Variants in KIF22 observed in about 807,000 individuals in gnomAD.
KIF22 encodes kinesin-like protein KIF22.
A neutral mutation model predicts 73.0 loss-of-function variants in KIF22; 62 were observed. The ratio of observed to expected loss-of-function variants is 0.85; its 90% CI spans 0.69 to 1.05. The LOEUF (loss-of-function observed/expected upper bound fraction) is 1.05. Ranked by LOEUF, KIF22 falls within the 50% of genes least tolerant of loss-of-function variation. The pLI is 0.00. For missense variants in KIF22, 854 were observed against 870.1 expected, an observed-to-expected ratio of 0.98 and a Z score of 0.23; for synonymous variants, 411 against 340.1, an observed-to-expected ratio of 1.21 and a Z score of -2.29.
chr16:29,792,893 C>T (rs985788167), intron 1 of KIF22, among the ~76,000 whole-genome samples: 1 of 152,102 alleles, frequency 6.6e-6, no homozygotes, highest in Non-Finnish European at 1.5e-5. Flanking sequence ...AGACACCTTG[C>T]TACCACCAGC....
chr16:29,803,308 CCTGTCTCCTGGTAACCTCCCA>C (rs930300557), intron 9 of KIF22, 120 bp from the exon 10 acceptor site: 2 of 936,260 alleles, frequency 2.1e-6, no homozygotes, highest in African/African-American at 3.3e-5. Flanking sequence ...TTAGGCTCCA[CCTGTCTCCTGGTAACCTCCCA>C]CTGGTCCTAG....
At chr16:29,802,980 T>A (rs757548979) in intron 9 of KIF22, 43 bp downstream of exon 9, 2 of 1,582,692 alleles carry the variant, frequency 1.3e-6, no homozygotes, top group Non-Finnish European at 1.7e-6. Context: ...CTATTGGCCT[T>A]GAGAAGCAAT....
At position 29,804,671 on chromosome 16, in the gene KIF22, T is replaced by A; in HGVS notation, c.1678-143T>A. 1.2e-5 allele frequency: 9 copies of A among 720,578 alleles called. No individual in the cohort carries two copies. The South Asian group carries it at 1.3e-4, about 11-fold the overall frequency. 44.6% of individuals were successfully genotyped at this position (720,578 alleles called of 1,614,324 possible). ...ATAAGAATTAACCCAGAGAGTGACC[T>A]GAGGGCGGGATTTTGGACACACTTG... On this transcript the variant is annotated intron_variant, in intron 11 of 13. Transcript: ENST00000160827.
chr16:29,804,351 A>T, intron 11 of KIF22: 1 of 601,986 alleles, frequency 1.7e-6, no homozygotes, highest in South Asian at 2.0e-5. Context: ...GGGAACTATG[A>T]CCTAAGCAGT....
At position 29,797,869 on chromosome 16, in the gene KIF22, T is replaced by G. The variant is rs1414650765; in HGVS notation, c.267-505T>G. Among the ~76,000 whole-genome samples, 1 of 152,194 alleles carries G rather than the reference T, an allele frequency of 6.6e-6. No individual in the cohort carries two copies. The highest frequency in any genetic ancestry group is 1.5e-5 in the Non-Finnish European group (1 of 68,030). On this transcript the variant is annotated intron_variant, in intron 2 of 13. Coordinates refer to ENST00000160827, the MANE Select transcript of KIF22 (RefSeq NM_007317.3). This position sits in a 1 kb window ranked among gnomAD's most constrained non-coding sequence, Gnocchi z 4.1. ...GAACGCAGTGGATAGGTGATTGGTA[T>G]GTAGAGTCTAGTTCAGTCATAAGCA...
chr16:29,796,623 G>A (rs997264823), intron 1 of KIF22, among the ~76,000 whole-genome samples: 10 of 151,958 alleles, frequency 6.6e-5, no homozygotes, highest in Non-Finnish European at 1.5e-4. Context: ...CATCACCCCA[G>A]GGAGACGGAG....
Position 29,798,889 on chromosome 16 carries a change from A to T in KIF22, c.550-86A>T. 3 of 1,547,230 alleles carry T rather than the reference A, an allele frequency of 1.9e-6. No individual in the cohort carries two copies. In the South Asian group the frequency reaches 3.4e-5, roughly 17 times the overall value. ...TGGGGTAGCAGATGGTACAACTCCG[A>T]GAATAGAACAGAGAAAGGAAACTGA... On this transcript the variant is annotated intron_variant, in intron 4 of 13. Coordinates refer to ENST00000160827, the MANE Select transcript of KIF22 (RefSeq NM_007317.3). The surrounding 1 kb of genome is among the most constrained non-coding windows in gnomAD (Gnocchi z 4.1).
intron 1 of KIF22, among the ~76,000 whole-genome samples, chr16:29,795,431 C>T (rs578228809): frequency 9.2e-5 from 14 of 152,306 alleles, no homozygotes; most frequent in African/African-American, 3.1e-4. Flanking sequence ...GTGTTGGCTA[C>T]GTATACCAGC....
intron 13 of KIF22, 43 bp downstream of exon 13, chr16:29,805,217 C>T (rs1234040762): frequency 5.0e-6 from 8 of 1,613,922 alleles, no homozygotes; most frequent in South Asian, 3.3e-5. Flanking sequence ...TCCTGCGCCC[C>T]GCGCCCCTCT....
In KIF22 at chr16:29,804,068, G is replaced by C. The variant is rs368343647; in HGVS notation, c.1677+3G>C. 1.2e-5 allele frequency: 20 copies of C among 1,612,406 alleles called. No individual in the cohort carries two copies. In the African/African-American group the frequency reaches 1.5e-4, roughly 12 times the overall value. ...AGAATAAAGGCCGGAAGAGAAAGGT[G>C]AAAGTAGCTGGGGGCTTAGGCTACA... On this transcript the variant is annotated splice_donor_region_variant and intron_variant, in intron 11 of 13. Coordinates refer to ENST00000160827, the MANE Select transcript of KIF22 (RefSeq NM_007317.3).
intron 7 of KIF22, 23 bp from the exon 8 acceptor site, chr16:29,799,890 C>G: frequency 2.5e-6 from 4 of 1,613,378 alleles, no homozygotes; most frequent in Non-Finnish European, 3.4e-6. Flanking sequence ...TCCCTCTCTC[C>G]ACCCCATCCT....
rs1166484975 is a variant in KIF22 at position 29,805,381 on chromosome 16, C to T, written c.*71C>T. The stretch of plus-strand genomic sequence containing the variant: ...TGTTGTGTAAATACAGTTTTTGCTC[C>T]GGTGCTTCCGCCTGATTTTTGGGGC... On this transcript the variant is annotated 3_prime_UTR_variant, in exon 14 of 14. Coordinates refer to ENST00000160827, the MANE Select transcript of KIF22 (RefSeq NM_007317.3). 6.6e-6 allele frequency: 10 copies of T among 1,511,424 alleles called. No homozygotes were observed. Among genetic ancestry groups the T allele is most frequent in the Non-Finnish European group, 9.1e-6 (10 of 1,100,948 alleles). The allele number at this position is 1,511,424 out of a possible 1,614,324, so 93.6% of individuals were successfully genotyped here. A position where few individuals can be genotyped will look rare whatever the true frequency, so the allele number is the denominator to read the frequency against.
chr16:29,803,931 G>A (rs750691643), intron 10 of KIF22, 67 bp from the exon 11 acceptor site: 5 of 1,226,908 alleles, frequency 4.1e-6, no homozygotes, highest in South Asian at 1.2e-5. Flanking sequence ...TGGAAGAATC[G>A]AAGGGCTACC....
rs761751630 is a variant in KIF22, at chr16:29,804,125, C to G, written c.1677+60C>G. On this transcript the variant is annotated intron_variant, in intron 11 of 13. Transcript: ENST00000160827. ...GCCCAGAAGTAAGGGGGAGTAGGCT[C>G]TAGGGGGAGGAGCGTTGGCCTTGGG... 1.2e-5 allele frequency: 17 copies of G among 1,381,078 alleles called. No individual in the cohort carries two copies. The South Asian group carries it at 1.9e-4, about 15-fold the overall frequency. 85.6% of individuals were successfully genotyped at this position (1,381,078 alleles called of 1,614,324 possible).
chr16:29,798,235 G>A lies in KIF22; in HGVS notation c.267-139G>A. 1.4e-6 allele frequency: 2 copies of A among 1,446,970 alleles called. No homozygotes were observed. Among genetic ancestry groups the A allele is most frequent in the Non-Finnish European group, 1.8e-6 (2 of 1,096,956 alleles). 89.6% of individuals were successfully genotyped at this position (1,446,970 alleles called of 1,614,324 possible). On this transcript the variant is annotated intron_variant, in intron 2 of 13. Transcript: ENST00000160827. The surrounding 1 kb of genome is among the most constrained non-coding windows in gnomAD (Gnocchi z 4.1). ...TTTTTAAGGTCTTTGTACAAGAAAG[G>A]GGATAGAGACGTTCTCTTAAATCCA...
intron 1 of KIF22, among the ~76,000 whole-genome samples, chr16:29,794,935 G>A (rs966363961): frequency 9.9e-5 from 15 of 152,128 alleles, no homozygotes; most frequent in African/African-American, 3.1e-4. Flanking sequence ...GGAAACCAAG[G>A]TCCAAGGTCA....
chr16:29,803,739 G>T (rs971945086), intron 10 of KIF22, 131 bp downstream of exon 10: 7 of 829,752 alleles, frequency 8.4e-6, no homozygotes, highest in Middle Eastern at 3.7e-4. Context: ...GGGTGAGGAG[G>T]CTCTGAGGCA....
In KIF22 at chr16:29,805,344, TG is replaced by T. The variant is rs1453270620; in HGVS notation, c.*35del. On this transcript the variant is annotated 3_prime_UTR_variant, in exon 14 of 14. Transcript: ENST00000160827. The stretch of plus-strand genomic sequence containing the variant: ...TCCTCACTCCGCCTTTTCAAATTTT[TG>T]TATAACCCCGTGTTGTGTAAATACA... 1.2e-6 allele frequency: 2 copies of T among 1,603,312 alleles called. No homozygotes were observed. The highest frequency in any genetic ancestry group is 3.3e-5 in the Admixed American group (2 of 59,986).
chr16:29,803,712 A>C, intron 10 of KIF22, 104 bp downstream of exon 10: 6 of 986,944 alleles, frequency 6.1e-6, no homozygotes, highest in Non-Finnish European at 7.5e-6. Context: ...CTCCCACCAC[A>C]TACCAGTCCC....
Sources: allele counts gnomAD v4.1 joint callset (sites outside exome capture counted in the v4.1 genomes callset), GRCh38; gene constraint gnomAD v4.1.1; non-coding constraint Gnocchi (gnomAD v3.1); transcripts MANE v1.5; gene names NCBI Gene and HGNC (gene_info 2026-07-23, HGNC 2026-07-21).